Variants in ZNF75A observed in about 807,000 individuals in gnomAD.
The protein encoded by ZNF75A is zinc finger protein 75A.
In ZNF75A, 36 loss-of-function variants were observed where a neutral mutation model predicts 46.3. The observed-to-expected ratio is 0.78, with a 90% confidence interval of 0.60 to 1.03. The LOEUF is 1.03. ZNF75A is among the 50% of genes least tolerant of loss of function. The pLI is 0.00. For missense variants in ZNF75A, 595 were observed against 551.3 expected, an observed-to-expected ratio of 1.08 and a Z score of -0.79; for synonymous variants, 234 against 189.9, an observed-to-expected ratio of 1.23 and a Z score of -1.91.
rs1264792964 is a variant in ZNF75A at position 3,308,814 on chromosome 16, A to T, written c.386A>T (p.Glu129Val). Residue 129 changes from glutamate to valine, a missense_variant, in exon 2 of 7, where the codon GAA becomes GTA. By Grantham distance (121) the Glu-to-Val change is moderately radical (BLOSUM62 -2). Transcript: ENST00000669516. Reference protein sequence around the residue: ...AVALVEHLQRESGQTWNGVAV... With the variant: ...AVALVEHLQRVSGQTWNGVAV... Reference sequence around the variant, plus strand: ...GCTCTGGTAGAACACTTGCAGAGGGAATCTGGTCAAACATGGAATGGGGTG... The same window carrying T: ...GCTCTGGTAGAACACTTGCAGAGGGTATCTGGTCAAACATGGAATGGGGTG... The T allele has an allele frequency of 1.0e-6, 1 of 985,928 alleles. No individual in the cohort carries two copies. The highest frequency in any genetic ancestry group is 6.1e-5 in the Admixed American group (1 of 16,268). 61.1% of individuals were successfully genotyped at this position (985,928 alleles called of 1,614,324 possible).
intron 1 of ZNF75A, chr16:3,306,357 C>G (rs1469314093): frequency 6.6e-6 from 1 of 152,084 alleles, no homozygotes; most frequent in African/African-American, 2.4e-5. Context: ...TCCTTTTTTA[C>G]AAGTTGATAT....
downstream of ZNF75A, among the ~76,000 whole-genome samples, chr16:3,320,343 C>T (rs1446720567): frequency 6.6e-6 from 1 of 152,236 alleles, no homozygotes; most frequent in Non-Finnish European, 1.5e-5. Flanking sequence ...CGCACCTGGC[C>T]AACCTGGCCT....
At chr16:3,316,825 C>T (rs1157028156) in intron 5 of ZNF75A, 87 bp from the exon 6 acceptor site, 2 of 865,376 alleles carry the variant, frequency 2.3e-6, no homozygotes, top group Non-Finnish European at 3.7e-6. Flanking sequence ...TGTAAAATGT[C>T]TTTGGTCATC....
At chr16:3,316,626 G>A (rs980350865) in intron 5 of ZNF75A, 1 of 216,666 alleles carries the variant, frequency 4.6e-6, no homozygotes. Flanking sequence ...CCCCTTGGTT[G>A]GATATAGGGT....
intron 5 of ZNF75A, among the ~76,000 whole-genome samples, chr16:3,314,459 G>T (rs566830079): frequency 6.6e-4 from 101 of 152,210 alleles, no homozygotes; most frequent in Non-Finnish European, 1.3e-3. Flanking sequence ...GCCTTTCCCT[G>T]CTGCCCAAGA....
intron 5 of ZNF75A, among the ~76,000 whole-genome samples, chr16:3,315,679 C>T (rs1289228579): frequency 6.6e-6 from 1 of 152,194 alleles, no homozygotes. Flanking sequence ...TCTAACAGGT[C>T]CCCCTGCCTT....
In ZNF75A at chr16:3,317,382, A is replaced by G. The variant is rs1961298287; in HGVS notation, c.1127A>G (p.Lys376Arg). Residue 376 changes from lysine (K) to arginine (R), a missense_variant, in exon 7 of 7, where the codon AAG becomes AGG. By Grantham distance (26) the Lys-to-Arg change is conservative (BLOSUM62 2). Transcript: ENST00000669516. Reference protein sequence around the residue: ...WHQDFPVKKRKKLSTWKQELL... With the variant: ...WHQDFPVKKRRKLSTWKQELL... ...CAAGATTTTCCAGTGAAGAAAAGAA[A>G]GAAACTTTCAACCTGGAAACAAGAG... The G allele has an allele frequency of 6.2e-7, 1 of 1,614,076 alleles. No homozygotes were observed. The highest frequency in any genetic ancestry group is 1.3e-5 in the African/African-American group (1 of 74,932).
In ZNF75A at chr16:3,310,698, G is replaced by A. The variant is rs1960701501; in HGVS notation, c.409-1055G>A. The A allele has an allele frequency of 3.0e-6, 3 of 985,546 alleles. No individual in the cohort carries two copies. In the South Asian group the frequency reaches 1.4e-4, roughly 46 times the overall value. 61.1% of individuals were successfully genotyped at this position (985,546 alleles called of 1,614,324 possible). The stretch of plus-strand genomic sequence containing the variant: ...AAGAAAAGAAAACATAGAAAAAAGG[G>A]AAACAAAGATTTGGAAAAAAGAAAA... On this transcript the variant is annotated intron_variant, in intron 2 of 6. Coordinates refer to ENST00000669516, the MANE Select transcript of ZNF75A (RefSeq NM_001302109.2).
In ZNF75A at chr16:3,308,770, G is replaced by A. The variant is rs1041527496; in HGVS notation, c.342G>A (p.Gln114=). The A allele has an allele frequency of 9.1e-6, 9 of 986,866 alleles. No individual in the cohort carries two copies. Among genetic ancestry groups the A allele is most frequent in the Non-Finnish European group, 1.1e-5 (9 of 830,250 alleles). 61.1% of individuals were successfully genotyped at this position (986,866 alleles called of 1,614,324 possible). ...TQTQMQKHHP[Q]SIEEAVALVE... ...CCCAGATGCAGAAGCACCATCCACA[G>A]AGCATTGAGGAGGCTGTGGCTCTGG... Residue 114 remains glutamine (Q), a synonymous_variant, in exon 2 of 7, where the codon CAG becomes CAA. Transcript: ENST00000669516.
downstream of ZNF75A, among the ~76,000 whole-genome samples, chr16:3,319,829 C>T (rs898729283): frequency 6.7e-6 from 1 of 148,974 alleles, no homozygotes; most frequent in Non-Finnish European, 1.5e-5. Flanking sequence ...TGGTACAAGG[C>T]CAGTGCTCTC....
Position 3,317,316 on chromosome 16 carries a change from A to ATT in ZNF75A, c.1061_1062insTT (p.Lys354AsnfsTer2), listed in dbSNP as rs1304214341. 6.2e-7 allele frequency: 1 copy of ATT among 1,614,146 alleles called. No individual in the cohort carries two copies. The highest frequency in any genetic ancestry group is 8.5e-7 in the Non-Finnish European group (1 of 1,180,028). On this transcript the variant is annotated frameshift_variant, in exon 7 of 7. Transcript: ENST00000669516. LOFTEE classifies it high-confidence loss of function. ...AAAGTTCCCCAGAAAACAGCAGGCA[A>ATT]AGAAAATCATTTTGATATGCACAGA... is the stretch of plus-strand genomic sequence containing the variant.
At position 3,311,749 on chromosome 16, in the gene ZNF75A, C is replaced by G. The variant is rs1960817760; in HGVS notation, c.409-4C>G. The G allele has an allele frequency of 1.9e-6, 2 of 1,049,250 alleles. No homozygotes were observed. The highest frequency in any genetic ancestry group is 1.2e-6 in the Non-Finnish European group (1 of 862,592). 65.0% of individuals were successfully genotyped at this position (1,049,250 alleles called of 1,614,324 possible). ...GTGGTAACAAGGATGGGAATTATTT[C>G]TAGGTTGCAGTCCATGAGCTGGGAA... On this transcript the variant is annotated splice_region_variant and splice_polypyrimidine_tract_variant and intron_variant, in intron 2 of 6. Transcript: ENST00000669516.
At position 3,317,410 on chromosome 16, in the gene ZNF75A, G is replaced by T; in HGVS notation, c.1155G>T (p.Leu385=). The T allele has an allele frequency of 6.2e-7, 1 of 1,614,142 alleles. No individual in the cohort carries two copies. The highest frequency in any genetic ancestry group is 8.5e-7 in the Non-Finnish European group (1 of 1,180,024). Residue 385 remains leucine, a synonymous_variant, in exon 7 of 7, where the codon CTG becomes CTT. Transcript: ENST00000669516. ...RKKLSTWKQE[L]LKLMDRHKKD... ...AACTTTCAACCTGGAAACAAGAGCT[G>T]CTCAAACTTATGGATCGTCACAAGA...
rs554471873 is a variant in ZNF75A at position 3,308,509 on chromosome 16, A to G, written c.81A>G (p.Arg27=). The G allele has an allele frequency of 3.4e-5, 34 of 985,878 alleles. No homozygotes were observed. The highest frequency in any genetic ancestry group is 1.7e-4 in the African/African-American group (10 of 57,358). The allele number at this position is 985,878 out of a possible 1,614,324, so 61.1% of individuals were successfully genotyped here. Residue 27 remains arginine (R), a synonymous_variant, in exon 2 of 7, where the codon AGA becomes AGG. Transcript: ENST00000669516. ...RALWETKGPA[R]ESSGQSKKSP... is the part of the protein sequence containing the mutation. ...TGTGGGAGACCAAGGGGCCTGCAAG[A>G]GAGAGCTCCGGTCAGAGTAAAAAAT...
intron 2 of ZNF75A, chr16:3,309,621 T>C: frequency 6.6e-6 from 1 of 151,262 alleles, no homozygotes; most frequent in Non-Finnish European, 1.5e-5. Flanking sequence ...CCAGGCATGG[T>C]GGCACACACC....
chr16:3,310,125 G>C (rs1215878421), intron 2 of ZNF75A, among the ~76,000 whole-genome samples: 1 of 151,992 alleles, frequency 6.6e-6, no homozygotes, highest in Non-Finnish European at 1.5e-5. Flanking sequence ...GCCAGGCGTG[G>C]TGGCTCACAT....
chr16:3,323,186 C>A (rs530032022), downstream of ZNF75A: 1 of 677,550 alleles, frequency 1.5e-6, no homozygotes. Flanking sequence ...GCACCTGGGT[C>A]TAGTTCAGCT....
intron 2 of ZNF75A, among the ~76,000 whole-genome samples, chr16:3,309,623 G>A (rs1385709844): frequency 6.6e-6 from 1 of 151,706 alleles, no homozygotes; most frequent in African/African-American, 2.4e-5. Context: ...AGGCATGGTG[G>A]CACACACCTG....
intron 2 of ZNF75A, among the ~76,000 whole-genome samples, chr16:3,310,393 GAAAA>G (rs922634990): frequency 6.8e-6 from 1 of 147,496 alleles, no homozygotes; most frequent in African/African-American, 2.5e-5. Context: ...GACTCCATGT[GAAAA>G]AAAAAATGTT....
Sources: allele counts gnomAD v4.1 joint callset (sites outside exome capture counted in the v4.1 genomes callset), GRCh38; gene constraint gnomAD v4.1.1; transcripts MANE v1.5; gene names NCBI Gene and HGNC (gene_info 2026-07-23, HGNC 2026-07-21).